Variants in FHIT observed in about 807,000 individuals in gnomAD.
The protein encoded by FHIT is bis(5'-adenosyl)-triphosphatase.
A neutral mutation model predicts 17.9 loss-of-function variants in FHIT; 19 were observed. The ratio of observed to expected loss-of-function variants is 1.06; its 90% confidence interval spans 0.74 to 1.56. The LOEUF is 1.56. Among genes scored for constraint, FHIT ranks in the 40% most tolerant of loss-of-function variants. The probability of loss-of-function intolerance (pLI) is 0.00; values close to 1 mark genes in which losing one functional copy is unlikely to be tolerated. For synonymous variants in FHIT, 81 were observed against 69.7 expected (o/e 1.16, Z -0.81); for missense variants, 248 against 189.2 (o/e 1.31, Z -1.82).
At chr3:60,339,812 C>T (rs571128430) in intron 5 of FHIT, among the ~76,000 whole-genome samples, 3 of 152,256 alleles carry the variant, frequency 2.0e-5, no homozygotes, top group South Asian at 2.1e-4. Context: ...ACAGACAACA[C>T]GGTGGGCCAT....
intron 3 of FHIT, among the ~76,000 whole-genome samples, chr3:60,825,230 A>C (rs782273012): frequency 2.0e-5 from 3 of 152,230 alleles, no homozygotes; most frequent in Non-Finnish European, 4.4e-5. Context: ...AAACATACAC[A>C]TAAGGGGACA....
chr3:59,974,727 C>T (rs942192368), intron 7 of FHIT, among the ~76,000 whole-genome samples: 3 of 152,086 alleles, frequency 2.0e-5, no homozygotes, highest in African/African-American at 4.8e-5. Context: ...AAAACTCACA[C>T]TATAAGCTGA....
intron 4 of FHIT, among the ~76,000 whole-genome samples, chr3:60,557,880 C>G (rs532753822): frequency 6.6e-6 from 1 of 152,026 alleles, no homozygotes; most frequent in Non-Finnish European, 1.5e-5. Context: ...AAGGCTTTTG[C>G]TTTTAAAATA....
rs532748213 is a variant in FHIT at position 60,020,829 on chromosome 3, G to A, written c.104-6677C>T. ...AAATAGCACAATTACAGAGCTTTGA[G>A]TCAAAGTAGGCGGCATCTCAAAAAG... On this transcript the variant is annotated intron_variant, in intron 5 of 9. Coordinates refer to ENST00000492590, the MANE Select transcript of FHIT (RefSeq NM_002012.4). Among the ~76,000 whole-genome samples, 10 of 152,326 alleles carry A rather than the reference G, an allele frequency of 6.6e-5. No homozygotes were observed. The South Asian group carries it at 1.9e-3, about 28-fold the overall frequency.
At chr3:60,610,724 T>C (rs1240837931) in intron 4 of FHIT, among the ~76,000 whole-genome samples, 5 of 152,236 alleles carry the variant, frequency 3.3e-5, no homozygotes, top group African/African-American at 1.2e-4. Context: ...GCTGCTCTTT[T>C]AGATCGCTGC....
chr3:60,545,544 T>C (rs2036332158), intron 4 of FHIT, among the ~76,000 whole-genome samples: 1 of 152,212 alleles, frequency 6.6e-6, no homozygotes, highest in African/African-American at 2.4e-5. Context: ...TCTCACCTAC[T>C]GTGCTTTTAT....
chr3:60,646,925 C>T (rs1383074875), intron 4 of FHIT, among the ~76,000 whole-genome samples: 1 of 152,202 alleles, frequency 6.6e-6, no homozygotes, highest in Non-Finnish European at 1.5e-5. Context: ...AGCGAAACTG[C>T]AATGCTATCA....
At chr3:61,170,177 T>G (rs2037961749) in intron 2 of FHIT, among the ~76,000 whole-genome samples, 1 of 152,060 alleles carries the variant, frequency 6.6e-6, no homozygotes, top group Admixed American at 6.6e-5. Context: ...AAAAGGACAA[T>G]TCAATTCAAT....
intron 5 of FHIT, among the ~76,000 whole-genome samples, chr3:60,130,179 C>T (rs994106777): frequency 6.6e-6 from 1 of 152,200 alleles, no homozygotes; most frequent in Non-Finnish European, 1.5e-5. Flanking sequence ...GTCCCCATGT[C>T]TGGGAGTGTC....
chr3:60,285,133 TG>T (rs755141888), intron 5 of FHIT, among the ~76,000 whole-genome samples: 1 of 152,162 alleles, frequency 6.6e-6, no homozygotes, highest in Non-Finnish European at 1.5e-5. Flanking sequence ...AAAATGCCCC[TG>T]GATTGCACTG....
intron 5 of FHIT, among the ~76,000 whole-genome samples, chr3:60,172,575 C>A (rs1701469202): frequency 6.6e-6 from 1 of 152,018 alleles, no homozygotes; most frequent in South Asian, 2.1e-4. Context: ...TGCACCAGGA[C>A]TGAAGTGTGT....
chr3:61,040,798 C>A (rs957140573), intron 3 of FHIT, among the ~76,000 whole-genome samples: 13 of 152,276 alleles, frequency 8.5e-5, no homozygotes, highest in African/African-American at 2.2e-4. Context: ...GGCAACAACA[C>A]AATAAGAGCC....
At chr3:60,635,116 G>A (rs1379024608) in intron 4 of FHIT, among the ~76,000 whole-genome samples, 1 of 152,116 alleles carries the variant, frequency 6.6e-6, no homozygotes, top group Non-Finnish European at 1.5e-5. Flanking sequence ...GCAGATCTTA[G>A]GGACACAAAC....
At chr3:59,754,256 A>G (rs1209283051) in intron 8 of FHIT, among the ~76,000 whole-genome samples, 2 of 152,212 alleles carry the variant, frequency 1.3e-5, no homozygotes, top group African/African-American at 4.8e-5. Context: ...TAACCGGGCC[A>G]CAGATACATT....
chr3:60,023,699 T>C (rs1700634013), intron 5 of FHIT, among the ~76,000 whole-genome samples: 1 of 152,126 alleles, frequency 6.6e-6, no homozygotes, highest in African/African-American at 2.4e-5. Flanking sequence ...GTAGGGGTGG[T>C]ATTTAGCAGA....
At chr3:60,742,277 C>G (rs1702233610) in intron 4 of FHIT, among the ~76,000 whole-genome samples, 1 of 152,168 alleles carries the variant, frequency 6.6e-6, no homozygotes, top group African/African-American at 2.4e-5. Flanking sequence ...CTTGCAAAAC[C>G]TTCCTCTATC....
At chr3:60,480,070 C>G (rs553956079) in intron 5 of FHIT, among the ~76,000 whole-genome samples, 1 of 152,076 alleles carries the variant, frequency 6.6e-6, no homozygotes, top group Non-Finnish European at 1.5e-5. Flanking sequence ...CTCACAGTTC[C>G]ACATGGTTGG....
intron 2 of FHIT, among the ~76,000 whole-genome samples, chr3:61,169,824 A>T (rs1462317976): frequency 6.6e-6 from 1 of 152,190 alleles, no homozygotes; most frequent in East Asian, 1.9e-4. Context: ...TACAACAAAG[A>T]TAGATAGTCA....
At chr3:60,597,482 G>A (rs939450556) in intron 4 of FHIT, among the ~76,000 whole-genome samples, 3 of 151,968 alleles carry the variant, frequency 2.0e-5, no homozygotes, top group Admixed American at 1.3e-4. Context: ...GTTCTTACCC[G>A]CTGTCATTCA....
Sources: gnomAD v4.1 joint callset for allele counts (sites outside exome capture counted in the v4.1 genomes callset) on GRCh38, gnomAD v4.1.1 for gene constraint, MANE v1.5 for transcripts, NCBI Gene and HGNC (gene_info 2026-07-23, HGNC 2026-07-21) for gene names.